Variants in SLC5A4 observed in about 807,000 individuals in gnomAD.
SLC5A4 encodes the protein solute carrier family 5 member 4.
Under a neutral mutation model 70.3 loss-of-function variants are expected in SLC5A4, and 55 were observed. That is an observed-to-expected ratio of 0.78 (90% confidence interval 0.63 to 0.98). The LOEUF (loss-of-function observed/expected upper bound fraction) is 0.98. SLC5A4 is among the 50% of genes least tolerant of loss of function. The pLI, the probability that SLC5A4 is intolerant of heterozygous loss-of-function variation, is 0.00. For missense variants in SLC5A4, 735 were observed against 839.2 expected (o/e 0.88, Z 1.53); for synonymous variants, 268 against 305.7 (o/e 0.88, Z 1.29).
At chr22:32,326,311 C>T in the SLC5A4 span, among the ~76,000 whole-genome samples, 1 of 149,016 alleles carries the variant, frequency 6.7e-6, no homozygotes, top group Non-Finnish European at 1.5e-5. Context: ...GTCGCCCAGG[C>T]AATGGCACGA....
At chr22:32,307,727 A>C in the SLC5A4 span, among the ~76,000 whole-genome samples, 1 of 152,228 alleles carries the variant, frequency 6.6e-6, no homozygotes, top group African/African-American at 2.4e-5. Flanking sequence ...CATCTGGTAC[A>C]TAGTAAGTGC....
the SLC5A4 span, among the ~76,000 whole-genome samples, chr22:32,352,802 T>G: frequency 1.3e-5 from 2 of 152,218 alleles, no homozygotes; most frequent in Non-Finnish European, 2.9e-5. Flanking sequence ...ACCACTGCAC[T>G]GCCTGTGCCC....
chr22:32,253,640 CG>C (rs1927299653), intron 2 of SLC5A4, among the ~76,000 whole-genome samples: 1 of 152,088 alleles, frequency 6.6e-6, no homozygotes, highest in Non-Finnish European at 1.5e-5. Context: ...CAGACTGAAC[CG>C]GCTGTCATAA....
chr22:32,292,562 C>T, the SLC5A4 span, among the ~76,000 whole-genome samples: 3 of 151,054 alleles, frequency 2.0e-5, no homozygotes, highest in African/African-American at 4.9e-5. Flanking sequence ...TGATCTTGGA[C>T]TTCCCAGACT....
chr22:32,272,066 C>T, the SLC5A4 span: 1 of 644,776 alleles, frequency 1.6e-6, no homozygotes, highest in African/African-American at 1.8e-5. Flanking sequence ...TTCCCAATGC[C>T]AGGATTGAGC....
At chr22:32,288,689 G>A in the SLC5A4 span, among the ~76,000 whole-genome samples, 8 of 152,112 alleles carry the variant, frequency 5.3e-5, no homozygotes, top group African/African-American at 1.9e-4. Flanking sequence ...TGGGATTACA[G>A]GCATGCACCA....
the SLC5A4 span, among the ~76,000 whole-genome samples, chr22:32,331,335 C>T: frequency 5.9e-5 from 9 of 151,982 alleles, no homozygotes; most frequent in Non-Finnish European, 1.0e-4. Context: ...CCTGAGTTTC[C>T]AGCAAAATGG....
the SLC5A4 span, among the ~76,000 whole-genome samples, chr22:32,275,193 T>A: frequency 6.6e-6 from 1 of 152,246 alleles, no homozygotes; most frequent in South Asian, 2.1e-4. Context: ...AGGTGCATAC[T>A]CTGAACAAAA....
chr22:32,313,009 A>G, the SLC5A4 span, among the ~76,000 whole-genome samples: 1 of 152,200 alleles, frequency 6.6e-6, no homozygotes, highest in African/African-American at 2.4e-5. Context: ...CGCTATCATT[A>G]TAGCTCCATA....
chr22:32,290,069 GTTTTTCTT>G, the SLC5A4 span, among the ~76,000 whole-genome samples: 73,023 of 151,356 alleles, frequency 0.48, 17,729 homozygotes, highest in Admixed American at 0.52. Flanking sequence ...TAGGGCCTGG[GTTTTTCTT>G]TTTTTCTTTT....
intron 5 of SLC5A4, among the ~76,000 whole-genome samples, chr22:32,240,687 C>T (rs992436857): frequency 2.6e-5 from 4 of 152,130 alleles, no homozygotes; most frequent in African/African-American, 9.7e-5. Context: ...TTCACCCCTA[C>T]CCTTCTCCAT....
chr22:32,259,145 G>A (rs62241067), upstream of SLC5A4, among the ~76,000 whole-genome samples: 1,460 of 152,302 alleles, frequency 9.6e-3, 4 homozygotes, highest in Non-Finnish European at 0.015. Flanking sequence ...GCAGAGATCT[G>A]CTGTACACCA....
chr22:32,271,674 G>T, the SLC5A4 span: 1 of 587,556 alleles, frequency 1.7e-6, no homozygotes, highest in Non-Finnish European at 3.2e-6. Flanking sequence ...ACAGACTGAG[G>T]GGTGCTGCGG....
At chr22:32,350,754 C>G in the SLC5A4 span, among the ~76,000 whole-genome samples, 1 of 151,584 alleles carries the variant, frequency 6.6e-6, no homozygotes, top group African/African-American at 2.4e-5. Flanking sequence ...TTACACATAT[C>G]AACAGTATTT....
At chr22:32,248,891 T>TAA in intron 3 of SLC5A4, 89 bp from the exon 4 acceptor site, 10 of 760,078 alleles carry the variant, frequency 1.3e-5, no homozygotes, top group South Asian at 1.7e-5. Context: ...GTCTGGAAAT[T>TAA]AAAAAAAAAA....
chr22:32,232,159 G>C (rs185431463), intron 9 of SLC5A4, among the ~76,000 whole-genome samples: 9 of 152,304 alleles, frequency 5.9e-5, no homozygotes, highest in Admixed American at 5.9e-4. Context: ...GAGGTTACAG[G>C]CGTGAGCATT....
the SLC5A4 span, among the ~76,000 whole-genome samples, chr22:32,291,519 A>G: frequency 2.6e-4 from 39 of 152,326 alleles, no homozygotes; most frequent in Admixed American, 8.5e-4. Flanking sequence ...GGCTGACATT[A>G]GTTTTCAGTC....
At position 32,218,467 on chromosome 22, in the gene SLC5A4, G is replaced by C. The variant is rs761925393; in HGVS notation, c.*47C>G. ...ATTAAAATCACTAAAATTATCCTTT[G>C]GTTCATTATTAAGAATTATTCATTA... On this transcript the variant is annotated 3_prime_UTR_variant, in exon 15 of 15. Transcript: ENST00000266086. 2.6e-5 allele frequency: 17 copies of C among 660,622 alleles called. No homozygotes were observed. Among genetic ancestry groups the C allele is most frequent in the Non-Finnish European group, 4.1e-5 (17 of 411,036 alleles). 40.9% of individuals were successfully genotyped at this position (660,622 alleles called of 1,614,324 possible). A position where few individuals can be genotyped will look rare whatever the true frequency, so the allele number is the denominator to read the frequency against.
chr22:32,330,660 G>GGT, the SLC5A4 span, among the ~76,000 whole-genome samples: 186 of 109,382 alleles, frequency 1.7e-3, no homozygotes, highest in African/African-American at 5.2e-3. Context: ...TTGGGGCTCT[G>GGT]GTGTGTGTGT....
Sources: gnomAD v4.1 joint callset for allele counts (sites outside exome capture counted in the v4.1 genomes callset) on GRCh38, gnomAD v4.1.1 for gene constraint, MANE v1.5 for transcripts, NCBI Gene and HGNC (gene_info 2026-07-23, HGNC 2026-07-21) for gene names.